The following ITGAV variants were observed in gnomAD, a reference collection of about 807,000 sequenced individuals.
The protein encoded by ITGAV is integrin alpha-V.
A neutral mutation model predicts 143.8 loss-of-function variants in ITGAV; 76 were observed. The observed-to-expected ratio is 0.53, with a 90% CI of 0.44 to 0.64. ITGAV has a LOEUF of 0.64. Ranked by LOEUF, ITGAV falls within the 30% of genes least tolerant of loss-of-function variation. ITGAV has a pLI of 0.00. For synonymous variants in ITGAV, 453 were observed against 446.7 expected (o/e 1.01, Z -0.18); for missense variants, 1,193 against 1,274.7 (o/e 0.94, Z 0.98).
intron 13 of ITGAV, among the ~76,000 whole-genome samples, chr2:186,647,604 A>G (rs995652632): frequency 2.0e-5 from 3 of 152,204 alleles, no homozygotes; most frequent in African/African-American, 7.2e-5. Context: ...AGTTAATATA[A>G]GCTCATTTTT....
chr2:186,626,767 C>G (rs1233652179), intron 4 of ITGAV, among the ~76,000 whole-genome samples: 2 of 152,122 alleles, frequency 1.3e-5, no homozygotes, highest in East Asian at 3.9e-4. Context: ...GAGAAAAAAT[C>G]AGGTTAGAAA....
At chr2:186,651,868 A>G (rs922108431) in intron 14 of ITGAV, 114 bp from the exon 15 acceptor site, 5 of 595,450 alleles carry the variant, frequency 8.4e-6, no homozygotes, top group Non-Finnish European at 1.5e-5. Flanking sequence ...ATTACAAACA[A>G]TGCTTTTAGT....
At chr2:186,638,755 A>G (rs1022284607) in intron 10 of ITGAV, among the ~76,000 whole-genome samples, 5 of 151,526 alleles carry the variant, frequency 3.3e-5, no homozygotes, top group African/African-American at 1.2e-4. Context: ...CAGAGTTTCT[A>G]ATTTCTTAAA....
At chr2:186,628,647 C>T (rs1324380864) in intron 4 of ITGAV, among the ~76,000 whole-genome samples, 1 of 152,084 alleles carries the variant, frequency 6.6e-6, no homozygotes, top group Non-Finnish European at 1.5e-5. Flanking sequence ...CAACAATATA[C>T]TTATCATTTC....
chr2:186,636,454 G>A (rs1687949195), intron 7 of ITGAV, among the ~76,000 whole-genome samples: 1 of 152,184 alleles, frequency 6.6e-6, no homozygotes, highest in Admixed American at 6.5e-5. Context: ...TATGCTTACT[G>A]TGTTCTGGGC....
intron 10 of ITGAV, among the ~76,000 whole-genome samples, chr2:186,639,331 G>A (rs574703944): frequency 6.6e-6 from 1 of 152,238 alleles, no homozygotes; most frequent in African/African-American, 2.4e-5. Flanking sequence ...AGATTGTTGG[G>A]CTTTGGGATA....
Position 186,641,599 on chromosome 2 carries a change from A to C in ITGAV, c.1159+11A>C, listed in dbSNP as rs1466627263. On this transcript the variant is annotated intron_variant, in intron 12 of 29. Coordinates refer to ENST00000261023, the MANE Select transcript of ITGAV (RefSeq NM_002210.5). Reference sequence around the variant, plus strand: ...AGGATGGTTTCAATGGTAAGATCAAAGTTTAGCAGCTACAGGTCCCTGATT... The same window carrying C: ...AGGATGGTTTCAATGGTAAGATCAACGTTTAGCAGCTACAGGTCCCTGATT... The C allele has an allele frequency of 1.2e-6, 2 of 1,611,068 alleles. No homozygotes were observed. The highest frequency in any genetic ancestry group is 3.3e-5 in the Admixed American group (2 of 60,016).
At chr2:186,663,917 T>G in intron 19 of ITGAV, 82 bp downstream of exon 19, 4 of 898,482 alleles carry the variant, frequency 4.5e-6, no homozygotes, top group Non-Finnish European at 5.4e-6. Flanking sequence ...TAACATATTT[T>G]AACGAGAATT....
At chr2:186,658,130 C>A (rs1254214644) in intron 17 of ITGAV, among the ~76,000 whole-genome samples, 1 of 151,886 alleles carries the variant, frequency 6.6e-6, no homozygotes, top group African/African-American at 2.4e-5. Flanking sequence ...GATACATAAA[C>A]CAAGTTGGAT....
intron 1 of ITGAV, among the ~76,000 whole-genome samples, chr2:186,595,363 G>A (rs951473093): frequency 6.6e-6 from 1 of 152,188 alleles, no homozygotes; most frequent in African/African-American, 2.4e-5. Context: ...GTCACATTCC[G>A]TGAATCAACT....
chr2:186,607,656 T>G (rs1687105889), intron 2 of ITGAV, among the ~76,000 whole-genome samples: 1 of 152,204 alleles, frequency 6.6e-6, no homozygotes, highest in Non-Finnish European at 1.5e-5. Flanking sequence ...TAATGGGAAC[T>G]AAACTGAATA....
intron 20 of ITGAV, 24 bp from the exon 21 acceptor site, chr2:186,665,096 ATTTTTT>A: frequency 4.8e-5 from 49 of 1,013,676 alleles, no homozygotes; most frequent in South Asian, 6.2e-5. Flanking sequence ...TTTCATATCC[ATTTTTT>A]TTTTTTTTTT....
intron 13 of ITGAV, among the ~76,000 whole-genome samples, chr2:186,648,076 A>G (rs1368722569): frequency 1.3e-5 from 2 of 152,212 alleles, no homozygotes; most frequent in Non-Finnish European, 2.9e-5. Context: ...ACGTTTCAGA[A>G]ACATTTCTTT....
chr2:186,617,339 G>C (rs949561644), intron 2 of ITGAV, among the ~76,000 whole-genome samples: 2 of 152,196 alleles, frequency 1.3e-5, no homozygotes, highest in Non-Finnish European at 2.9e-5. Flanking sequence ...CCAGCAAGTT[G>C]AGTGCCAAAT....
At chr2:186,601,306 A>T (rs1366604891) in intron 1 of ITGAV, among the ~76,000 whole-genome samples, 1 of 151,944 alleles carries the variant, frequency 6.6e-6, no homozygotes, top group East Asian at 1.9e-4. Flanking sequence ...AAATTTAAAA[A>T]AAAAATTAGC....
chr2:186,670,997 G>A (rs1206051687), intron 26 of ITGAV, among the ~76,000 whole-genome samples: 11 of 152,028 alleles, frequency 7.2e-5, no homozygotes, highest in African/African-American at 2.2e-4. Context: ...CAAATCTCAC[G>A]TCTTGTATTT....
At position 186,675,836 on chromosome 2, in the gene ITGAV, A is replaced by T. The variant is rs779907933; in HGVS notation, c.2837A>T (p.His946Leu). 6.2e-7 allele frequency: 1 copy of T among 1,601,690 alleles called. No homozygotes were observed. The highest frequency in any genetic ancestry group is 1.1e-5 in the South Asian group (1 of 89,306). ...ETFMNKENQNHSYSLKSSASF... is the reference protein window; with the variant it reads ...ETFMNKENQNLSYSLKSSASF... ...TCCAAACAGAAAGAAAATCAGAATC[A>T]TTCCTATTCTCTGAAGTCGTCTGCT... Residue 946 changes from histidine (H) to leucine (L), a missense_variant, in exon 28 of 30, where the codon CAT (histidine) becomes CTT (leucine). By Grantham distance (99) the His-to-Leu change is moderately conservative. Transcript: ENST00000261023.
chr2:186,627,139 A>T (rs1367249617), intron 4 of ITGAV, among the ~76,000 whole-genome samples: 2 of 152,122 alleles, frequency 1.3e-5, no homozygotes, highest in Admixed American at 1.3e-4. Context: ...GAGAGTGGGG[A>T]TATTCTAGGC....
At chr2:186,623,504 T>G (rs2105687542) in intron 3 of ITGAV, among the ~76,000 whole-genome samples, 1 of 152,302 alleles carries the variant, frequency 6.6e-6, no homozygotes, top group Middle Eastern at 3.4e-3. Flanking sequence ...TTGATCTCTA[T>G]TTAGCTTCCT....
Sources: gnomAD v4.1 joint callset for allele counts (sites outside exome capture counted in the v4.1 genomes callset) on GRCh38, gnomAD v4.1.1 for gene constraint, MANE v1.5 for transcripts, NCBI Gene and HGNC (gene_info 2026-07-23, HGNC 2026-07-21) for gene names.